Variants in ATAD5 observed in about 807,000 individuals in gnomAD.
The protein encoded by ATAD5 is ATPase family AAA domain containing 5.
A neutral mutation model predicts 176.9 loss-of-function variants in ATAD5; 58 were observed. The ratio of observed to expected loss-of-function variants is 0.33; its 90% CI spans 0.27 to 0.41. The LOEUF (loss-of-function observed/expected upper bound fraction) is 0.41, where lower values mean the gene tolerates loss of function less well. Among genes scored for constraint, ATAD5 ranks in the 10% least tolerant of loss-of-function variants. The pLI is 1.00. For synonymous variants in ATAD5, 640 were observed against 712.6 expected, an observed-to-expected ratio of 0.90 and a Z score of 1.62; for missense variants, 1,789 against 2,094.1, an observed-to-expected ratio of 0.85 and a Z score of 2.84.
chr17:30,867,332 C>T (rs1180394812), intron 11 of ATAD5, among the ~76,000 whole-genome samples: 3 of 151,892 alleles, frequency 2.0e-5, no homozygotes, highest in South Asian at 2.1e-4. Flanking sequence ...TCCAAGGATT[C>T]GAGGCTGCAG....
chr17:30,841,151 G>A (rs1381242038), intron 4 of ATAD5, among the ~76,000 whole-genome samples: 5 of 151,884 alleles, frequency 3.3e-5, no homozygotes, highest in South Asian at 2.1e-4. Context: ...CTGAGATTAC[G>A]AGTGTGTACC....
chr17:30,832,971 G>T (rs911361855), intron 1 of ATAD5, among the ~76,000 whole-genome samples: 1 of 152,126 alleles, frequency 6.6e-6, no homozygotes, highest in African/African-American at 2.4e-5. Flanking sequence ...GGCACTAAGC[G>T]GTCATTATAA....
In ATAD5 at chr17:30,837,250, A is replaced by T; in HGVS notation, c.2012A>T (p.Lys671Ile). The part of the protein sequence containing the change: ...RISTPKKSKK[K>I]SNKRSEKSEA... ...AGTACTCCCAAAAAATCTAAGAAAA[A>T]ATCTAACAAAAGATCTGAGAAATCT... The change falls in exon 3 of 23, where the codon AAA becomes ATA. Residue 671 changes from lysine (K) to isoleucine (I), a missense_variant. Around this residue, in one of 6 missense-constraint regions of ATAD5, gnomAD observed 487 missense variants for 573.6 expected, o/e 0.85. Transcript: ENST00000321990. The T allele has an allele frequency of 6.3e-7, 1 of 1,579,704 alleles. No homozygotes were observed. The highest frequency in any genetic ancestry group is 8.6e-7 in the Non-Finnish European group (1 of 1,167,626).
At chr17:30,850,833 T>TTA (rs1312470807) in intron 6 of ATAD5, among the ~76,000 whole-genome samples, 1,387 of 27,730 alleles carry the variant, frequency 0.05, 11 homozygotes, top group Non-Finnish European at 0.057. Flanking sequence ...TTATATATTT[T>TTA]TATATATATA....
intron 14 of ATAD5, among the ~76,000 whole-genome samples, chr17:30,873,372 C>A (rs1908452755): frequency 6.8e-6 from 1 of 146,452 alleles, no homozygotes. Flanking sequence ...GGCTGGAGTG[C>A]AGTGGTGTGA....
intron 21 of ATAD5, 52 bp downstream of exon 21, chr17:30,894,202 G>A: frequency 7.2e-7 from 1 of 1,389,190 alleles, no homozygotes; most frequent in Non-Finnish European, 9.6e-7. Context: ...TCGTAAAGGG[G>A]AAATCAATAG....
chr17:30,846,771 A>G (rs1399996346), intron 6 of ATAD5, among the ~76,000 whole-genome samples: 1 of 139,306 alleles, frequency 7.2e-6, no homozygotes, highest in African/African-American at 2.8e-5. Flanking sequence ...CCCAGGCTGG[A>G]GTGCGATGGT....
chr17:30,861,265 C>T (rs1907616539), intron 10 of ATAD5, among the ~76,000 whole-genome samples: 1 of 146,604 alleles, frequency 6.8e-6, no homozygotes, highest in Non-Finnish European at 1.5e-5. Flanking sequence ...TGACAGTCTG[C>T]ACCAGAAATA....
intron 9 of ATAD5, among the ~76,000 whole-genome samples, chr17:30,859,453 A>G (rs1597972404): frequency 6.6e-6 from 1 of 152,088 alleles, no homozygotes; most frequent in African/African-American, 2.4e-5. Context: ...TCTGCCTCCC[A>G]GATTTGAGTG....
At position 30,834,900 on chromosome 17, in the gene ATAD5, T is replaced by G. The variant is rs200129655; in HGVS notation, c.819T>G (p.Ser273Arg). Residue 273 changes from serine to arginine, a missense_variant, in exon 2 of 23, where the codon AGT (serine) becomes AGG (arginine). Physicochemically the swap from Ser to Arg is moderately radical, Grantham distance 110 (BLOSUM62 -1). Around this residue, in one of 6 missense-constraint regions of ATAD5, gnomAD observed 696 missense variants for 712.5 expected, o/e 0.98. Coordinates refer to ENST00000321990, the MANE Select transcript of ATAD5 (RefSeq NM_024857.5). ...ITVSYEEFLKSHKENKVEEIP... is the reference protein window; with the variant it reads ...ITVSYEEFLKRHKENKVEEIP... ...TCTCATATGAGGAATTTTTAAAAAG[T>G]CACAAGGAAAATAAAGTGGAAGAGA... The G allele has an allele frequency of 3.1e-6, 5 of 1,613,668 alleles. No individual in the cohort carries two copies.
At chr17:30,878,962 C>T (rs1488427687) in intron 17 of ATAD5, among the ~76,000 whole-genome samples, 1 of 152,044 alleles carries the variant, frequency 6.6e-6, no homozygotes, top group Non-Finnish European at 1.5e-5. Context: ...GAACTCCTGA[C>T]CTCATGTGAT....
intron 17 of ATAD5, among the ~76,000 whole-genome samples, chr17:30,878,718 G>GTGTTTTTT: frequency 1.8e-5 from 1 of 56,838 alleles, no homozygotes; most frequent in Admixed American, 2.6e-4. Flanking sequence ...GTTAGGTGGT[G>GTGTTTTTT]TTTTTTTTTT....
intron 14 of ATAD5, among the ~76,000 whole-genome samples, chr17:30,875,107 A>G (rs1179987033): frequency 6.6e-6 from 1 of 152,060 alleles, no homozygotes; most frequent in African/African-American, 2.4e-5. Flanking sequence ...GAGGGTAGAA[A>G]AAAAGAATAG....
Position 30,837,243 on chromosome 17 carries a change from A to G in ATAD5, c.2005A>G (p.Lys669Glu). 2.5e-6 allele frequency: 4 copies of G among 1,576,932 alleles called. No homozygotes were observed. The highest frequency in any genetic ancestry group is 3.4e-6 in the Non-Finnish European group (4 of 1,165,648). The stretch of plus-strand genomic sequence containing the variant: ...CAGAATTAGTACTCCCAAAAAATCT[A>G]AGAAAAAATCTAACAAAAGATCTGA... ...FTRISTPKKS[K>E]KKSNKRSEKS... Residue 669 changes from lysine to glutamate, a missense_variant, in exon 3 of 23, where the codon AAG (lysine) becomes GAG (glutamate). By Grantham distance (56) the Lys-to-Glu change is moderately conservative. Coordinates refer to ENST00000321990, the MANE Select transcript of ATAD5 (RefSeq NM_024857.5).
chr17:30,838,641 G>A (rs1200210672), intron 3 of ATAD5, among the ~76,000 whole-genome samples: 8 of 152,240 alleles, frequency 5.3e-5, no homozygotes, highest in Middle Eastern at 3.4e-3. Flanking sequence ...AGTCTCTTTG[G>A]TGAACTTTGT....
At chr17:30,883,386 C>T (rs930006236) in intron 18 of ATAD5, among the ~76,000 whole-genome samples, 4 of 152,038 alleles carry the variant, frequency 2.6e-5, no homozygotes, top group African/African-American at 4.8e-5. Flanking sequence ...CTCAGCCTCC[C>T]GAAGTGCTGG....
chr17:30,869,584 A>G lies in ATAD5; in HGVS notation c.3545A>G (p.Lys1182Arg), dbSNP rs1176893572. ...KEATQSHQVD[K>R]QGVNSQKPCF... ...GCTACTCAGTCCCATCAAGTAGACA[A>G]ACAAGGTGTAAACTCACAAAAACCC... The change falls in exon 14 of 23, where the codon AAA becomes AGA. Residue 1182 changes from lysine (K) to arginine (R), a missense_variant. Around this residue, in one of 6 missense-constraint regions of ATAD5, gnomAD observed 194 missense variants for 270.1 expected, o/e 0.72. Transcript: ENST00000321990. 6 of 1,608,332 alleles carry G rather than the reference A, an allele frequency of 3.7e-6. No homozygotes were observed. The highest frequency in any genetic ancestry group is 4.2e-6 in the Non-Finnish European group (5 of 1,178,728).
At chr17:30,891,298 T>A (rs1490422345) in intron 19 of ATAD5, among the ~76,000 whole-genome samples, 1 of 151,964 alleles carries the variant, frequency 6.6e-6, no homozygotes, top group African/African-American at 2.4e-5. Context: ...AAGTGAAACA[T>A]GTACAGTATC....
At chr17:30,836,113 G>C in intron 2 of ATAD5, 65 bp downstream of exon 2, 3 of 1,356,958 alleles carry the variant, frequency 2.2e-6, no homozygotes, top group Non-Finnish European at 3.0e-6. Context: ...GGACAAAAAT[G>C]CTTCAAGTAT....
Sources: gnomAD v4.1 joint callset for allele counts (sites outside exome capture counted in the v4.1 genomes callset) on GRCh38, gnomAD v4.1.1 for gene constraint, gnomAD v4.1.1 regional missense constraint, MANE v1.5 for transcripts, NCBI Gene and HGNC (gene_info 2026-07-23, HGNC 2026-07-21) for gene names.